ANKRD31: variants seen among roughly 807,000 people sequenced by gnomAD.
ANKRD31 encodes the protein ankyrin repeat domain-containing protein 31.
A neutral mutation model predicts 186.0 loss-of-function variants in ANKRD31; 147 were observed. That is an observed-to-expected ratio of 0.79 (90% confidence interval 0.69 to 0.91). The LOEUF is 0.91. ANKRD31 is among the 40% of genes least tolerant of loss of function. The pLI is 0.00. For synonymous variants in ANKRD31, 673 were observed against 736.4 expected (o/e 0.91, Z 1.39); for missense variants, 1,986 against 2,148.8 (o/e 0.92, Z 1.50).
At chr5:75,089,975 G>T (rs971570753) in intron 23 of ANKRD31, among the ~76,000 whole-genome samples, 3 of 152,200 alleles carry the variant, frequency 2.0e-5, no homozygotes, top group Admixed American at 2.0e-4. Flanking sequence ...GTGGGCAAAT[G>T]GAGTCATTAC....
intron 23 of ANKRD31, among the ~76,000 whole-genome samples, chr5:75,089,075 C>A (rs888704653): frequency 3.9e-5 from 6 of 152,172 alleles, no homozygotes; most frequent in African/African-American, 1.4e-4. Flanking sequence ...GTCTACTAGG[C>A]ACTAGTGGTT....
In ANKRD31 at chr5:75,144,018, T is replaced by G. The variant is rs1751243258; in HGVS notation, c.3578A>C (p.Lys1193Thr). 2.5e-6 allele frequency: 1 copy of G among 397,384 alleles called. No homozygotes were observed. 24.6% of individuals were successfully genotyped at this position (397,384 alleles called of 1,614,324 possible). A position where few individuals can be genotyped will look rare whatever the true frequency, so the allele number is the denominator to read the frequency against. ...QNFRKRQSFLKTTCNLGMKAG... is the reference protein window; with the variant it reads ...QNFRKRQSFLTTTCNLGMKAG... ...ATACAAACCTAGGTTGCAGGTAGTT[T>G]TTAAGAAACTTTGTCTTTTTCTGAA... The change falls in exon 15 of 26, where the codon AAA becomes ACA. Residue 1193 changes from lysine (K) to threonine (T), a missense_variant. By Grantham distance (78) the Lys-to-Thr change is moderately conservative. Transcript: ENST00000506364.
intron 23 of ANKRD31, among the ~76,000 whole-genome samples, chr5:75,085,353 C>T (rs543769139): frequency 1.5e-3 from 224 of 151,962 alleles, no homozygotes; most frequent in South Asian, 3.5e-3. Context: ...CTCTGAAGTC[C>T]CGGCTCCTTT....
Position 75,230,589 on chromosome 5 carries a change from G to A in ANKRD31, c.151C>T (p.His51Tyr). 2 of 1,536,868 alleles carry A rather than the reference G, an allele frequency of 1.3e-6. No individual in the cohort carries two copies. Among genetic ancestry groups the A allele is most frequent in the Non-Finnish European group, 1.7e-6 (2 of 1,146,672 alleles). ...TTGCACATTCCTCTTGTATCAGGAT[G>A]CAGACTGAACTCAGATTTAAGAGAT... ...DASLKSEFSL[H>Y]PDTRGMCKGM... Residue 51 changes from histidine to tyrosine, a missense_variant, in exon 2 of 26, where the codon CAT (histidine) becomes TAT (tyrosine). Physicochemically the swap from His to Tyr is moderately conservative, Grantham distance 83. Transcript: ENST00000506364.
intron 22 of ANKRD31, among the ~76,000 whole-genome samples, chr5:75,093,585 C>G (rs1362990701): frequency 6.6e-6 from 1 of 151,832 alleles, no homozygotes; most frequent in Non-Finnish European, 1.5e-5. Context: ...ATGCAGAGAT[C>G]CACAGACACA....
At chr5:75,100,129 T>G (rs902050567) in intron 22 of ANKRD31, among the ~76,000 whole-genome samples, 2 of 152,224 alleles carry the variant, frequency 1.3e-5, no homozygotes, top group African/African-American at 2.4e-5. Flanking sequence ...AGTGTCTCTG[T>G]TCTCATTGGT....
At chr5:75,228,171 A>G (rs1018805651) in intron 2 of ANKRD31, among the ~76,000 whole-genome samples, 46 of 152,176 alleles carry the variant, frequency 3.0e-4, no homozygotes, top group African/African-American at 2.4e-5. Context: ...TTGGGATGGG[A>G]AAAAAACCCT....
chr5:75,096,852 A>G (rs1023957992), intron 22 of ANKRD31, among the ~76,000 whole-genome samples: 2 of 68,242 alleles, frequency 2.9e-5, no homozygotes, highest in Non-Finnish European at 5.6e-5. Flanking sequence ...GATTTTCCCC[A>G]CTCTGTGTTC....
intron 25 of ANKRD31, among the ~76,000 whole-genome samples, chr5:75,071,010 A>G (rs937564050): frequency 5.3e-5 from 8 of 152,200 alleles, no homozygotes; most frequent in African/African-American, 1.9e-4. Context: ...TAATATCTGT[A>G]TGTATCAAAA....
At chr5:75,202,361 C>T (rs1755877173) in intron 5 of ANKRD31, among the ~76,000 whole-genome samples, 1 of 152,164 alleles carries the variant, frequency 6.6e-6, no homozygotes, top group African/African-American at 2.4e-5. Flanking sequence ...AAGGAATTAT[C>T]TTTTCTAACT....
chr5:75,151,313 A>C (rs59226666), intron 12 of ANKRD31, among the ~76,000 whole-genome samples: 7,424 of 152,004 alleles, frequency 0.049, 391 homozygotes, highest in African/African-American at 0.13. Context: ...GGAGATTGAT[A>C]TGGTTTGGCT....
At chr5:75,154,378 G>A (rs1293223069) in intron 11 of ANKRD31, 33 bp from the exon 12 acceptor site, 1 of 1,509,944 alleles carries the variant, frequency 6.6e-7, no homozygotes, top group Admixed American at 2.1e-5. Flanking sequence ...AGGGAACCCA[G>A]ATTGAGGGTG....
At chr5:75,093,673 G>C (rs1746109578) in intron 22 of ANKRD31, among the ~76,000 whole-genome samples, 1 of 152,126 alleles carries the variant, frequency 6.6e-6, no homozygotes, top group Admixed American at 6.5e-5. Context: ...TCATTTACAA[G>C]GGAAACTCAA....
intron 25 of ANKRD31, among the ~76,000 whole-genome samples, chr5:75,079,488 G>C (rs915596875): frequency 6.7e-6 from 1 of 150,008 alleles, no homozygotes; most frequent in African/African-American, 2.5e-5. Flanking sequence ...TTGAGACAGA[G>C]TTTTGCTCTT....
intron 17 of ANKRD31, among the ~76,000 whole-genome samples, chr5:75,133,079 C>T (rs1196515386): frequency 5.9e-5 from 9 of 152,110 alleles, no homozygotes; most frequent in South Asian, 2.1e-4. Flanking sequence ...TAAAGACCGT[C>T]GATGCTAGGA....
At chr5:75,138,662 A>G (rs959558356) in intron 16 of ANKRD31, among the ~76,000 whole-genome samples, 184 bp downstream of exon 16, 4 of 152,286 alleles carry the variant, frequency 2.6e-5, no homozygotes, top group Admixed American at 2.6e-4. Flanking sequence ...GTTTCAAAGG[A>G]AAAAGGTCTT....
In ANKRD31 at chr5:75,147,414, C is replaced by T. The variant is rs866314475; in HGVS notation, c.1997G>A (p.Gly666Glu). Residue 666 changes from glycine to glutamate, a missense_variant, in exon 14 of 26, where the codon GGA (glycine) becomes GAA (glutamate). Gly to Glu is a moderately conservative substitution (Grantham distance 98). Transcript: ENST00000506364. Reference sequence around the variant, plus strand: ...ATTTATAAATAAACTCGCTTTGCTTCCTTTATTGACTTTTACATGTTCCAG... The same window carrying T: ...ATTTATAAATAAACTCGCTTTGCTTTCTTTATTGACTTTTACATGTTCCAG... ...QKLEHVKVNK[G>E]SKASLFINKE... The T allele has an allele frequency of 6.6e-7, 1 of 1,519,948 alleles. No homozygotes were observed. The highest frequency in any genetic ancestry group is 8.8e-7 in the Non-Finnish European group (1 of 1,140,614). 94.2% of individuals were successfully genotyped at this position (1,519,948 alleles called of 1,614,324 possible). A position where few individuals can be genotyped will look rare whatever the true frequency, so the allele number is the denominator to read the frequency against.
chr5:75,115,663 A>C lies in ANKRD31; in HGVS notation c.4155+903T>G, dbSNP rs570658662. On this transcript the variant is annotated intron_variant, in intron 19 of 25. Coordinates refer to ENST00000506364, the MANE Select transcript of ANKRD31 (RefSeq NM_001372053.1). ...GACAAAAAACACATGAAAAAATGCT[A>C]ACCATCACTGGCCATCAGAGAAATG... Among the ~76,000 whole-genome samples, 375 of 152,218 alleles carry C rather than the reference A, an allele frequency of 2.5e-3. 8 individuals are homozygous for C. The East Asian group carries it at 0.06, about 24-fold the overall frequency.
chr5:75,176,407 T>C (rs1352268226), intron 10 of ANKRD31, among the ~76,000 whole-genome samples: 1 of 152,120 alleles, frequency 6.6e-6, no homozygotes, highest in African/African-American at 2.4e-5. Flanking sequence ...GCATGCAGCT[T>C]GAGATCTGAG....
Sources: allele counts gnomAD v4.1 joint callset (sites outside exome capture counted in the v4.1 genomes callset), GRCh38; gene constraint gnomAD v4.1.1; transcripts MANE v1.5; gene names NCBI Gene and HGNC (gene_info 2026-07-23, HGNC 2026-07-21).